MEGF11: variants seen among roughly 807,000 people sequenced by gnomAD.
MEGF11 encodes multiple epidermal growth factor-like domains protein 11.
MEGF11 carries 126 observed loss-of-function variants against 146.6 expected under a neutral mutation model. The ratio of observed to expected loss-of-function variants is 0.86; its 90% confidence interval spans 0.74 to 1.00. The LOEUF (loss-of-function observed/expected upper bound fraction) is 1.00, where lower values mean the gene tolerates loss of function less well. Among genes scored for constraint, MEGF11 ranks in the 50% least tolerant of loss-of-function variants. The pLI, the probability that MEGF11 is intolerant of heterozygous loss-of-function variation, is 0.00. For synonymous variants in MEGF11, 532 were observed against 583.4 expected (o/e 0.91, Z 1.27); for missense variants, 1,509 against 1,521.2 (o/e 0.99, Z 0.13).
intron 5 of MEGF11, among the ~76,000 whole-genome samples, chr15:66,022,918 C>A (rs942171919): frequency 6.7e-6 from 1 of 150,250 alleles, no homozygotes; most frequent in African/African-American, 2.5e-5. Context: ...GGGAGGCTGA[C>A]GGGTGGGGTG....
chr15:66,226,167 C>T (rs1242705838), intron 1 of MEGF11, among the ~76,000 whole-genome samples: 2 of 152,214 alleles, frequency 1.3e-5, no homozygotes, highest in Admixed American at 1.3e-4. Context: ...ACGCCCCCTG[C>T]CCATTGGTCA....
intron 10 of MEGF11, among the ~76,000 whole-genome samples, chr15:65,955,434 T>C (rs919187142): frequency 1.3e-5 from 2 of 150,268 alleles, no homozygotes; most frequent in African/African-American, 4.9e-5. Context: ...ATCTTAGTAA[T>C]GTGTTTTTAC....
chr15:65,962,778 G>T lies in MEGF11; in HGVS notation c.1112+2130C>A, dbSNP rs183558812. On this transcript the variant is annotated intron_variant, in intron 9 of 25. Coordinates refer to ENST00000395614, the MANE Select transcript of MEGF11 (RefSeq NM_001385028.1). Reference sequence around the variant, plus strand: ...GGGATGGACAAGCCAGGCTGCTGGTGCCCTCAAGGAGGTGGTGATGCAGAC... The same window carrying T: ...GGGATGGACAAGCCAGGCTGCTGGTTCCCTCAAGGAGGTGGTGATGCAGAC... Among the ~76,000 whole-genome samples, 4 of 152,126 alleles carry T rather than the reference G, an allele frequency of 2.6e-5. No homozygotes were observed. The East Asian group carries it at 7.7e-4, about 29-fold the overall frequency.
At chr15:66,160,242 C>CCCCTCT (rs1555477655) in intron 1 of MEGF11, among the ~76,000 whole-genome samples, 1 of 133,410 alleles carries the variant, frequency 7.5e-6, no homozygotes, top group Non-Finnish European at 1.6e-5. Flanking sequence ...AAGGAAAAGC[C>CCCCTCT]CTCTCTCTCT....
intron 1 of MEGF11, among the ~76,000 whole-genome samples, chr15:66,155,120 T>C (rs2089707557): frequency 6.6e-6 from 1 of 152,184 alleles, no homozygotes; most frequent in African/African-American, 2.4e-5. Context: ...ACTGTGTGAT[T>C]TATGAGCAGG....
intron 4 of MEGF11, among the ~76,000 whole-genome samples, chr15:66,118,289 C>T (rs2087833430): frequency 6.6e-6 from 1 of 152,070 alleles, no homozygotes; most frequent in Non-Finnish European, 1.5e-5. Context: ...CGATCATCCT[C>T]CCAGAGAGAT....
intron 9 of MEGF11, among the ~76,000 whole-genome samples, chr15:65,963,671 C>T (rs980529094): frequency 5.9e-5 from 9 of 152,172 alleles, no homozygotes; most frequent in African/African-American, 1.2e-4. Context: ...AATGAATGAC[C>T]GAGTGAATGA....
At chr15:66,245,024 G>A (rs1198237427) in intron 1 of MEGF11, among the ~76,000 whole-genome samples, 1 of 152,138 alleles carries the variant, frequency 6.6e-6, no homozygotes, top group African/African-American at 2.4e-5. Flanking sequence ...GGCAATAATT[G>A]CTACAGAAGT....
At chr15:66,234,517 T>C (rs935659326) in intron 1 of MEGF11, among the ~76,000 whole-genome samples, 2 of 152,210 alleles carry the variant, frequency 1.3e-5, no homozygotes, top group African/African-American at 4.8e-5. Context: ...GACCCAGGCA[T>C]GGTTCTGCCC....
At chr15:66,153,994 A>AG (rs1403547793) in intron 1 of MEGF11, among the ~76,000 whole-genome samples, 4 of 152,158 alleles carry the variant, frequency 2.6e-5, no homozygotes, top group African/African-American at 9.7e-5. Flanking sequence ...CAACAGCTGC[A>AG]GGGGGGCACT....
chr15:65,941,470 A>G (rs1290294880), intron 10 of MEGF11, among the ~76,000 whole-genome samples: 1 of 152,020 alleles, frequency 6.6e-6, no homozygotes. Flanking sequence ...TTCAGACCCA[A>G]GAGGCGGTCC....
chr15:66,125,041 T>C (rs780864332), intron 2 of MEGF11, among the ~76,000 whole-genome samples: 4 of 152,208 alleles, frequency 2.6e-5, no homozygotes, highest in Non-Finnish European at 5.9e-5. Flanking sequence ...TTGGTTACCT[T>C]GCAAGGGGGC....
intron 3 of MEGF11, 124 bp from the exon 4 acceptor site, chr15:66,119,310 T>G (rs2087898949): frequency 3.0e-6 from 2 of 671,898 alleles, no homozygotes; most frequent in Non-Finnish European, 5.1e-6. Flanking sequence ...GCATGGCGAC[T>G]TCAAATATGA....
chr15:66,123,920 C>A lies in MEGF11; in HGVS notation c.179G>T (p.Trp60Leu). 1.9e-6 allele frequency: 3 copies of A among 1,613,968 alleles called. No homozygotes were observed. The highest frequency in any genetic ancestry group is 2.2e-5 in the South Asian group (2 of 91,086). The part of the protein sequence containing the change: ...YYTRCTDILN[W>L]FKCTRHRISY... ...TCACCGGTGCCTGGTGCACTTGAAC[C>A]AGTTGAGGATGTCTGTGCATCGTGT... Residue 60 changes from tryptophan (W) to leucine (L), a missense_variant, in exon 3 of 26, where the codon TGG becomes TTG. Coordinates refer to ENST00000395614, the MANE Select transcript of MEGF11 (RefSeq NM_001385028.1).
intron 3 of MEGF11, among the ~76,000 whole-genome samples, chr15:66,120,202 G>C (rs544607279): frequency 6.6e-6 from 1 of 152,306 alleles, no homozygotes; most frequent in African/African-American, 2.4e-5. Flanking sequence ...CACAGTGAAG[G>C]AGTAAGTAAA....
At chr15:65,964,484 G>GC (rs1467063184) in intron 9 of MEGF11, among the ~76,000 whole-genome samples, 81 of 151,778 alleles carry the variant, frequency 5.3e-4, no homozygotes, top group Non-Finnish European at 1.1e-3. Flanking sequence ...TGGTGCCCGT[G>GC]TCTCTGGTTG....
At chr15:66,070,621 G>A (rs1443636608) in intron 5 of MEGF11, among the ~76,000 whole-genome samples, 2 of 152,222 alleles carry the variant, frequency 1.3e-5, no homozygotes, top group Admixed American at 1.3e-4. Flanking sequence ...GAGCTAGATA[G>A]GTAATGCTGG....
At chr15:66,175,075 T>A (rs530818908) in intron 1 of MEGF11, among the ~76,000 whole-genome samples, 2 of 152,376 alleles carry the variant, frequency 1.3e-5, no homozygotes, top group Admixed American at 6.5e-5. Context: ...TGAATTTTTT[T>A]ATCAGGTCTA....
chr15:65,940,818 C>T (rs1309823015), intron 10 of MEGF11, among the ~76,000 whole-genome samples: 1 of 152,158 alleles, frequency 6.6e-6, no homozygotes, highest in East Asian at 1.9e-4. Context: ...CTGGAAGCCC[C>T]ATGTAGTATT....
Sources: gnomAD v4.1 joint callset for allele counts (sites outside exome capture counted in the v4.1 genomes callset) on GRCh38, gnomAD v4.1.1 for gene constraint, MANE v1.5 for transcripts, NCBI Gene and HGNC (gene_info 2026-07-23, HGNC 2026-07-21) for gene names.